DONSON: variants seen among roughly 807,000 people sequenced by gnomAD.
DONSON encodes DNA replication fork stabilization factor DONSON, also known as protein downstream neighbor of Son.
Under a neutral mutation model 62.1 loss-of-function variants are expected in DONSON, and 43 were observed. That is an observed-to-expected ratio of 0.69 (90% CI 0.54 to 0.89). DONSON has a LOEUF of 0.89. Among genes scored for constraint, DONSON ranks in the 40% least tolerant of loss-of-function variants. DONSON has a pLI of 0.00. For missense variants in DONSON, 696 were observed against 697.5 expected, an observed-to-expected ratio of 1.00 and a Z score of 0.03; for synonymous variants, 266 against 264.6, an observed-to-expected ratio of 1.01 and a Z score of -0.05.
Position 33,584,589 on chromosome 21 carries a change from C to G in DONSON, c.785+1G>C, listed in dbSNP as rs1449048290. ...ATACAAGTTTCTCTTACTAATCTTA[C>G]CAGTCACTCATTAAAACATGCTGCA... On this transcript the variant is annotated splice_donor_variant, in intron 4 of 9. Coordinates refer to ENST00000303071, the MANE Select transcript of DONSON (RefSeq NM_017613.4). LOFTEE classifies it high-confidence loss of function. 6.3e-7 allele frequency: 1 copy of G among 1,590,542 alleles called. No homozygotes were observed. Among genetic ancestry groups the G allele is most frequent in the Non-Finnish European group, 8.6e-7 (1 of 1,167,114 alleles).
In DONSON at chr21:33,587,620, C is replaced by T; in HGVS notation, c.322-18G>A. 1 of 1,536,072 alleles carries T rather than the reference C, an allele frequency of 6.5e-7. No homozygotes were observed. The highest frequency in any genetic ancestry group is 1.2e-5 in the South Asian group (1 of 83,578). The stretch of plus-strand genomic sequence containing the variant: ...TCTAAAAACTGAGGTTAAATATATT[C>T]TCCTTTAAAATTTAAAGGATGCTGA... On this transcript the variant is annotated intron_variant, in intron 1 of 9. Transcript: ENST00000303071.
intron 8 of DONSON, 147 bp downstream of exon 8, chr21:33,581,155 T>A (rs1300462795): frequency 4.6e-6 from 3 of 658,566 alleles, no homozygotes; most frequent in East Asian, 2.8e-5. Flanking sequence ...CTGTCTTATA[T>A]AATTTTTGTT....
rs1389923007 is a variant in DONSON at position 33,587,383 on chromosome 21, T to C, written c.402+139A>G. 6 of 1,382,482 alleles carry C rather than the reference T, an allele frequency of 4.3e-6. No homozygotes were observed. The East Asian group carries it at 1.7e-4, about 38-fold the overall frequency. The allele number at this position is 1,382,482 out of a possible 1,614,324, so 85.6% of individuals were successfully genotyped here. ...GCGGTATTTTCATCCCTGGTTGAGATGATCAAGCCTCTCTGTAAAACTACT... is the reference window on the plus strand; with the variant it reads ...GCGGTATTTTCATCCCTGGTTGAGACGATCAAGCCTCTCTGTAAAACTACT... On this transcript the variant is annotated intron_variant, in intron 2 of 9. Coordinates refer to ENST00000303071, the MANE Select transcript of DONSON (RefSeq NM_017613.4).
At chr21:33,587,961 C>A (rs1324423964) in intron 1 of DONSON, among the ~76,000 whole-genome samples, 1 of 152,188 alleles carries the variant, frequency 6.6e-6, no homozygotes, top group Non-Finnish European at 1.5e-5. Context: ...TTGTCACCTG[C>A]CCCATCGAAC....
intron 2 of DONSON, among the ~76,000 whole-genome samples, chr21:33,586,398 G>C (rs1226289635): frequency 6.6e-6 from 1 of 152,134 alleles, no homozygotes; most frequent in Admixed American, 6.5e-5. Flanking sequence ...TTTGTTGTTG[G>C]GGGTAGGGGT....
chr21:33,577,645 A>C lies in DONSON; in HGVS notation c.*662T>G, dbSNP rs2086438547. ...CACACACACACACACACACACACAC[A>C]CACACACACACACACACACACACAC... On this transcript the variant is annotated 3_prime_UTR_variant, in exon 10 of 10. Coordinates refer to ENST00000303071, the MANE Select transcript of DONSON (RefSeq NM_017613.4). The C allele has an allele frequency of 5.4e-5, 4 of 73,560 alleles. No homozygotes were observed. Among genetic ancestry groups the C allele is most frequent in the Admixed American group, 1.2e-4 (1 of 8,612 alleles). 4.6% of individuals were successfully genotyped at this position (73,560 alleles called of 1,614,324 possible). A position where few individuals can be genotyped will look rare whatever the true frequency, so the allele number is the denominator to read the frequency against.
Position 33,581,311 on chromosome 21 carries a change from T to C in DONSON, c.1341A>G (p.Gln447=), listed in dbSNP as rs759050644. 35 of 1,614,098 alleles carry C rather than the reference T, an allele frequency of 2.2e-5. 1 individual carries two copies. The highest frequency in any genetic ancestry group is 2.9e-5 in the Non-Finnish European group (34 of 1,180,006). ...SPVAFRGATM[Q]MLKARSVNVK... is the part of the protein sequence containing the mutation. ...TGCAGACTTTTATTACCTTAAGCAT[T>C]TGCATTGTGGCACCTCGGAAAGCAA... Residue 447 remains glutamine, a synonymous_variant, in exon 8 of 10, where the codon CAA becomes CAG. Coordinates refer to ENST00000303071, the MANE Select transcript of DONSON (RefSeq NM_017613.4).
chr21:33,588,406 G>C lies in DONSON; in HGVS notation c.236C>G (p.Pro79Arg), dbSNP rs2145910018. ...CGGTCGGTTGTCCAGGCGGGCGAAG[G>C]GGTTCCTCCGAGCAGCGGCCGGGCC... ...GGGPAAARRN[P>R]FARLDNRPRV... is the part of the protein sequence containing the mutation. The change falls in exon 1 of 10, where the codon CCC (proline) becomes CGC (arginine). Residue 79 changes from proline to arginine, a missense_variant. Coordinates refer to ENST00000303071, the MANE Select transcript of DONSON (RefSeq NM_017613.4). 4.6e-6 allele frequency: 6 copies of C among 1,309,002 alleles called. No homozygotes were observed. The highest frequency in any genetic ancestry group is 3.7e-5 in the Admixed American group (1 of 27,240). The allele number at this position is 1,309,002 out of a possible 1,614,324, so 81.1% of individuals were successfully genotyped here.
In DONSON at chr21:33,581,287, G is replaced by T; in HGVS notation, c.1350+15C>A. The stretch of plus-strand genomic sequence containing the variant: ...AAGTACTTCTTAAAAGCTAGGTTAT[G>T]CAGACTTTTATTACCTTAAGCATTT... On this transcript the variant is annotated intron_variant, in intron 8 of 9. Coordinates refer to ENST00000303071, the MANE Select transcript of DONSON (RefSeq NM_017613.4). The T allele has an allele frequency of 6.2e-7, 1 of 1,610,970 alleles. No individual in the cohort carries two copies. The highest frequency in any genetic ancestry group is 1.3e-5 in the African/African-American group (1 of 74,928).
Position 33,578,152 on chromosome 21 carries a change from TG to T in DONSON, c.*154del. ...CATCTTTATATCTAAAAATCTAATC[TG>T]AAAATAGTAAAACACATTTAAAACC... is the stretch of plus-strand genomic sequence containing the variant. On this transcript the variant is annotated 3_prime_UTR_variant, in exon 10 of 10. Coordinates refer to ENST00000303071, the MANE Select transcript of DONSON (RefSeq NM_017613.4). The T allele has an allele frequency of 1.3e-6, 1 of 764,628 alleles. No individual in the cohort carries two copies. The highest frequency in any genetic ancestry group is 2.8e-5 in the East Asian group (1 of 35,160). The allele number at this position is 764,628 out of a possible 1,614,324, so 47.4% of individuals were successfully genotyped here. A position where few individuals can be genotyped will look rare whatever the true frequency, so the allele number is the denominator to read the frequency against.
rs747034538 is a variant in DONSON at position 33,579,370 on chromosome 21, T to C, written c.1543A>G (p.Met515Val). 3 of 1,606,270 alleles carry C rather than the reference T, an allele frequency of 1.9e-6. No homozygotes were observed. The Admixed American group carries it at 5.0e-5, about 27-fold the overall frequency. ...PTAVFNICLQ[M>V]DKVLDMEVVH... The stretch of plus-strand genomic sequence containing the variant: ...CTTACCATATCAAGTACTTTGTCCA[T>C]TTGCAGGCAGATGTTAAATACAGCA... The change falls in exon 9 of 10, where the codon ATG becomes GTG. Residue 515 changes from methionine (M) to valine (V), a missense_variant. By Grantham distance (21) the Met-to-Val change is conservative. Coordinates refer to ENST00000303071, the MANE Select transcript of DONSON (RefSeq NM_017613.4).
In DONSON at chr21:33,582,222, A is replaced by T. The variant is rs775130920; in HGVS notation, c.989T>A (p.Ile330Lys). The T allele has an allele frequency of 1.2e-6, 2 of 1,613,856 alleles. No individual in the cohort carries two copies. The highest frequency in any genetic ancestry group is 2.7e-5 in the African/African-American group (2 of 74,924). ...NEGIEFSLPLIKESGHKKETA... is the reference protein window; with the variant it reads ...NEGIEFSLPLKKESGHKKETA... ...CTCCTTCTTATGGCCACTTTCTTTT[A>T]TTAAAGGCAGAGAAAATTCAATACC... is the stretch of plus-strand genomic sequence containing the variant. The change falls in exon 6 of 10, where the codon ATA becomes AAA. Residue 330 changes from isoleucine (I) to lysine (K), a missense_variant. Physicochemically the swap from Ile to Lys is moderately radical, Grantham distance 102 (BLOSUM62 -3). Transcript: ENST00000303071.
intron 2 of DONSON, 117 bp from the exon 3 acceptor site, chr21:33,586,298 A>C (rs1225084412): frequency 1.2e-6 from 1 of 845,610 alleles, no homozygotes; most frequent in African/African-American, 1.7e-5. Flanking sequence ...CTGTATAATA[A>C]ATAACATGAA....
rs1341388570 is a variant in DONSON, at chr21:33,583,585, A to G, written c.867T>C (p.Thr289=). The change falls in exon 5 of 10, where the codon ACT becomes ACC. Residue 289 remains threonine (T), a synonymous_variant. Coordinates refer to ENST00000303071, the MANE Select transcript of DONSON (RefSeq NM_017613.4). ...PYFYVCTYQF[T]VLFRAAGLAG... is the part of the protein sequence containing the mutation. ...CTAATCCTGCTGCTCGGAACAGGAC[A>G]GTAAACTGATAGGTACAAACGTAGA... The G allele has an allele frequency of 1.2e-6, 2 of 1,614,086 alleles. No individual in the cohort carries two copies. Among genetic ancestry groups the G allele is most frequent in the Admixed American group, 3.3e-5 (2 of 60,024 alleles).
Position 33,583,786 on chromosome 21 carries a change from T to C in DONSON, c.786-120A>G, listed in dbSNP as rs1013049308. 64 of 902,576 alleles carry C rather than the reference T, an allele frequency of 7.1e-5. No homozygotes were observed. The Admixed American group carries it at 1.8e-3, about 26-fold the overall frequency. 55.9% of individuals were successfully genotyped at this position (902,576 alleles called of 1,614,324 possible). ...CAACACAAATATTTTAGATAATGGT[T>C]TTAATTTTTGTGGTTACGTATGACT... On this transcript the variant is annotated intron_variant, in intron 4 of 9. Transcript: ENST00000303071.
chr21:33,580,506 C>CAAAAA (rs1193935319), intron 8 of DONSON, among the ~76,000 whole-genome samples: 1 of 47,654 alleles, frequency 2.1e-5, no homozygotes, highest in East Asian at 8.0e-4. Flanking sequence ...AAAAAAAAAG[C>CAAAAA]AGGGCATGGC....
intron 8 of DONSON, 59 bp downstream of exon 8, chr21:33,581,242 GA>G: frequency 6.8e-7 from 1 of 1,467,804 alleles, no homozygotes; most frequent in Non-Finnish European, 9.2e-7. Flanking sequence ...TTTAAATCAA[GA>G]ATTTATCCTA....
intron 2 of DONSON, 143 bp downstream of exon 2, chr21:33,587,379 G>GAGAT: frequency 7.2e-7 from 1 of 1,381,002 alleles, no homozygotes; most frequent in Non-Finnish European, 9.4e-7. Context: ...ATCCCTGGTT[G>GAGAT]AGATGATCAA....
At chr21:33,581,894 T>C (rs2086515089) in intron 7 of DONSON, 57 bp downstream of exon 7, 7 of 1,492,008 alleles carry the variant, frequency 4.7e-6, no homozygotes, top group Non-Finnish European at 6.5e-6. Context: ...ATGTTAAACT[T>C]CTCACTAACG....
Sources: gnomAD v4.1 joint callset for allele counts (sites outside exome capture counted in the v4.1 genomes callset) on GRCh38, gnomAD v4.1.1 for gene constraint, MANE v1.5 for transcripts, NCBI Gene and HGNC (gene_info 2026-07-23, HGNC 2026-07-21) for gene names.